Variants in HGF observed in about 807,000 individuals in gnomAD.
The protein encoded by HGF is hepatocyte growth factor.
A neutral mutation model predicts 111.6 loss-of-function variants in HGF; 39 were observed. The observed-to-expected ratio is 0.35, with a 90% CI of 0.27 to 0.46. The LOEUF (loss-of-function observed/expected upper bound fraction) is 0.46. Among genes scored for constraint, HGF ranks in the 20% least tolerant of loss-of-function variants. The pLI is 1.00. For synonymous variants in HGF, 285 were observed against 294.8 expected, an observed-to-expected ratio of 0.97 and a Z score of 0.34; for missense variants, 735 against 910.5, an observed-to-expected ratio of 0.81 and a Z score of 2.48.
At chr7:81,755,170 A>G (rs572941239) in intron 4 of HGF, 3 of 152,210 alleles carry the variant, frequency 2.0e-5, no homozygotes, top group African/African-American at 7.2e-5. Context: ...CTGATTTTCT[A>G]GTTAAGCTTC....
intron 12 of HGF, 41 bp from the exon 13 acceptor site, chr7:81,710,284 T>G (rs199736805): frequency 7.4e-7 from 1 of 1,351,248 alleles, no homozygotes; most frequent in South Asian, 1.2e-5. Context: ...AAATAAGAAT[T>G]TGAAATAATC....
intron 9 of HGF, among the ~76,000 whole-genome samples, chr7:81,722,700 G>C (rs1019787404): frequency 7.4e-5 from 11 of 149,412 alleles, no homozygotes; most frequent in Non-Finnish European, 1.2e-4. Flanking sequence ...TGTAATCCCA[G>C]CTACTCAGGA....
intron 7 of HGF, chr7:81,742,803 G>A: frequency 6.5e-7 from 1 of 1,548,328 alleles, no homozygotes; most frequent in Non-Finnish European, 8.7e-7. Context: ...ATGCAGGCTG[G>A]GTACAAAGAC....
Position 81,721,813 on chromosome 7 carries a change from AT to A in HGF, c.1169-967del, listed in dbSNP as rs1164979421. ...TGGTGCAAAGGAAAAACTCCTCTGT[AT>A]TTAACAAAAAAATCGGTTGGGGCCT... is the stretch of plus-strand genomic sequence containing the variant. On this transcript the variant is annotated intron_variant, in intron 9 of 17. Transcript: ENST00000222390. Among the ~76,000 whole-genome samples, 4 of 152,322 alleles carry A rather than the reference AT, an allele frequency of 2.6e-5. No homozygotes were observed. In the East Asian group the frequency reaches 7.7e-4, roughly 29 times the overall value.
intron 5 of HGF, among the ~76,000 whole-genome samples, chr7:81,748,714 T>G (rs1475129335): frequency 6.6e-6 from 1 of 151,682 alleles, no homozygotes; most frequent in East Asian, 1.9e-4. Context: ...CTGCCCTAGA[T>G]AGATCACAAA....
chr7:81,745,063 G>A lies in HGF; in HGVS notation c.683C>T (p.Ser228Leu), dbSNP rs2116044920. 6.2e-7 allele frequency: 1 copy of A among 1,613,882 alleles called. No individual in the cohort carries two copies. The highest frequency in any genetic ancestry group is 8.5e-7 in the Non-Finnish European group (1 of 1,179,860). The change falls in exon 6 of 18, where the codon TCA (serine) becomes TTA (leucine). Residue 228 changes from serine to leucine, a missense_variant. Ser to Leu is a moderately radical substitution (Grantham distance 145). Around this residue, in one of 3 missense-constraint regions of HGF, gnomAD observed 553 missense variants for 685.6 expected, o/e 0.81. Transcript: ENST00000222390. Reference protein sequence around the residue: ...SYRGLMDHTESGKICQRWDHQ... With the variant: ...SYRGLMDHTELGKICQRWDHQ... Reference sequence around the variant, plus strand: ...ATCCCAGCGCTGACAAATCTTGCCTGATTCTGTATGATCCATGAGACCTCG... The same window carrying A: ...ATCCCAGCGCTGACAAATCTTGCCTAATTCTGTATGATCCATGAGACCTCG...
intron 3 of HGF, among the ~76,000 whole-genome samples, chr7:81,758,258 T>C (rs1053567974): frequency 2.0e-5 from 3 of 152,050 alleles, no homozygotes; most frequent in African/African-American, 7.2e-5. Flanking sequence ...AAAATCTCCA[T>C]ATTTTGTTAT....
At chr7:81,755,118 C>T (rs1348577580) in intron 4 of HGF, 6 of 151,978 alleles carry the variant, frequency 3.9e-5, no homozygotes, top group Admixed American at 3.9e-4. Context: ...TTAATGAATG[C>T]TGGGTGGCCA....
rs992946888 is a variant in HGF at position 81,702,392 on chromosome 7, T to A, written c.*189A>T. 3.5e-6 allele frequency: 2 copies of A among 577,108 alleles called. No homozygotes were observed. Among genetic ancestry groups the A allele is most frequent in the Non-Finnish European group, 6.2e-6 (2 of 322,470 alleles). The allele number at this position is 577,108 out of a possible 1,614,324, so 35.7% of individuals were successfully genotyped here. ...GCATGTACCTTAATTCACTTCAACA[T>A]TGACAAAATAACACTGACAAACAAA... On this transcript the variant is annotated 3_prime_UTR_variant, in exon 18 of 18. Transcript: ENST00000222390.
intron 4 of HGF, among the ~76,000 whole-genome samples, chr7:81,754,439 G>T (rs1453803834): frequency 1.3e-5 from 2 of 151,902 alleles, no homozygotes; most frequent in Non-Finnish European, 2.9e-5. Context: ...CCAAAAAAAA[G>T]CTGTGAGGAA....
chr7:81,728,299 C>G (rs1010390473), intron 8 of HGF, among the ~76,000 whole-genome samples: 1 of 152,186 alleles, frequency 6.6e-6, no homozygotes, highest in Admixed American at 6.5e-5. Context: ...CAGGTAACTT[C>G]TGATACTTAA....
In HGF at chr7:81,709,895, T is replaced by C. The variant is rs117826684; in HGVS notation, c.1541+252A>G. Among the ~76,000 whole-genome samples, 352 of 152,248 alleles carry C rather than the reference T, an allele frequency of 2.3e-3. 2 individuals carry two copies. Among genetic ancestry groups the C allele is most frequent in the Middle Eastern group, 0.014 (4 of 294 alleles). On this transcript the variant is annotated intron_variant, in intron 13 of 17. Coordinates refer to ENST00000222390, the MANE Select transcript of HGF (RefSeq NM_000601.6). ...GCTTAATCGGAACCAAAGTGTCTCT[T>C]AGAATCAGGGACATTGCCAACACAT...
At chr7:81,706,463 A>T (rs1413051706) in intron 14 of HGF, 36 bp from the exon 15 acceptor site, 3 of 1,508,946 alleles carry the variant, frequency 2.0e-6, no homozygotes, top group Admixed American at 1.7e-5. Context: ...TGTAAAACAT[A>T]ATAATTCCAA....
At position 81,699,102 on chromosome 7, in the gene HGF, T is replaced by C. The variant is rs1789216347; in HGVS notation, c.*3479A>G. 1 of 151,500 alleles carries C rather than the reference T, an allele frequency of 6.6e-6. No individual in the cohort carries two copies. The highest frequency in any genetic ancestry group is 1.5e-5 in the Non-Finnish European group (1 of 67,630). The allele number at this position is 151,500 out of a possible 1,614,324, so 9.4% of individuals were successfully genotyped here. ...TACAGAAAGTTTATAATACAAGTCA[T>C]AACCACAGTGTTCCCTTTTTTGGGT... On this transcript the variant is annotated 3_prime_UTR_variant, in exon 18 of 18. Transcript: ENST00000222390.
At chr7:81,760,140 T>G (rs1788996269) in intron 2 of HGF, among the ~76,000 whole-genome samples, 1 of 152,192 alleles carries the variant, frequency 6.6e-6, no homozygotes, top group Admixed American at 6.5e-5. Flanking sequence ...AGTTGCATCT[T>G]CTTTTAGGTT....
chr7:81,713,140 A>G (rs532853216), intron 11 of HGF, among the ~76,000 whole-genome samples: 1 of 152,316 alleles, frequency 6.6e-6, no homozygotes, highest in South Asian at 2.1e-4. Flanking sequence ...TATCTTGTAT[A>G]TTAAGTCTCT....
At chr7:81,763,678 A>G (rs557733496) in intron 1 of HGF, among the ~76,000 whole-genome samples, 5 of 152,244 alleles carry the variant, frequency 3.3e-5, no homozygotes, top group African/African-American at 4.8e-5. Context: ...TGTATTCTCA[A>G]TTTGCCCAAA....
intron 4 of HGF, among the ~76,000 whole-genome samples, chr7:81,753,905 A>T (rs1292957248): frequency 6.6e-6 from 1 of 151,934 alleles, no homozygotes; most frequent in Admixed American, 6.6e-5. Context: ...TTAAAAAGTC[A>T]TTTTTCTTAC....
Position 81,706,275 on chromosome 7 carries a change from A to G in HGF, c.1757+12T>C. 1 of 1,611,622 alleles carries G rather than the reference A, an allele frequency of 6.2e-7. No individual in the cohort carries two copies. Among genetic ancestry groups the G allele is most frequent in the Non-Finnish European group, 8.5e-7 (1 of 1,178,274 alleles). On this transcript the variant is annotated intron_variant, in intron 15 of 17. Coordinates refer to ENST00000222390, the MANE Select transcript of HGF (RefSeq NM_000601.6). ...CCAGGTGAAAAATACAAAATCTTCT[A>G]AAGTAACTAACCTGGCAAGCTTCAT...
Sources: gnomAD v4.1 joint callset for allele counts (sites outside exome capture counted in the v4.1 genomes callset) on GRCh38, gnomAD v4.1.1 for gene constraint, gnomAD v4.1.1 regional missense constraint, MANE v1.5 for transcripts, NCBI Gene and HGNC (gene_info 2026-07-23, HGNC 2026-07-21) for gene names.